Variants in DDC observed in about 807,000 individuals in gnomAD.
DDC encodes the protein aromatic-L-amino-acid decarboxylase.
DDC carries 43 observed loss-of-function variants against 60.0 expected under a neutral mutation model. That is an observed-to-expected ratio of 0.72 (90% CI 0.56 to 0.92). DDC has a LOEUF of 0.92. DDC is among the 40% of genes least tolerant of loss of function. The pLI is 0.00. For synonymous variants in DDC, 232 were observed against 234.6 expected, an observed-to-expected ratio of 0.99 and a Z score of 0.10; for missense variants, 573 against 620.2, an observed-to-expected ratio of 0.92 and a Z score of 0.81.
At chr7:50,513,953 C>G (rs2043657082) in intron 6 of DDC, among the ~76,000 whole-genome samples, 1 of 152,058 alleles carries the variant, frequency 6.6e-6, no homozygotes, top group African/African-American at 2.4e-5. Flanking sequence ...CACCACTGGG[C>G]CCTCTCCATA....
intron 12 of DDC, among the ~76,000 whole-genome samples, chr7:50,469,224 G>A (rs111848972): frequency 0.052 from 7,642 of 145,588 alleles, 485 homozygotes; most frequent in African/African-American, 0.15. Flanking sequence ...GATTACATGC[G>A]TGAGCCACCA....
chr7:50,469,331 A>T (rs1451437775), intron 12 of DDC, among the ~76,000 whole-genome samples: 1 of 151,002 alleles, frequency 6.6e-6, no homozygotes, highest in African/African-American at 2.4e-5. Flanking sequence ...TAGTGCATAG[A>T]GAAGGTGTCT....
At chr7:50,508,341 G>A (rs534494999) in intron 6 of DDC, among the ~76,000 whole-genome samples, 1 of 152,212 alleles carries the variant, frequency 6.6e-6, no homozygotes, top group Non-Finnish European at 1.5e-5. Flanking sequence ...TGTGCAGGGG[G>A]AAGGAGGGGT....
chr7:50,524,546 T>C (rs2043987761), intron 6 of DDC, among the ~76,000 whole-genome samples: 1 of 152,220 alleles, frequency 6.6e-6, no homozygotes. Flanking sequence ...CGAGGACATA[T>C]AGATAGTGAA....
At chr7:50,553,491 T>C (rs970813538) in intron 1 of DDC, among the ~76,000 whole-genome samples, 2 of 140,986 alleles carry the variant, frequency 1.4e-5, no homozygotes, top group East Asian at 2.1e-4. Context: ...TTTCTTTTTT[T>C]TTTTTTTTTT....
intron 9 of DDC, among the ~76,000 whole-genome samples, chr7:50,494,566 G>A (rs2043081878): frequency 1.3e-5 from 2 of 151,622 alleles, no homozygotes; most frequent in African/African-American, 4.8e-5. Flanking sequence ...ACTCCAACCC[G>A]GGCGACAGAG....
chr7:50,498,991 C>G (rs1305126393), intron 8 of DDC, among the ~76,000 whole-genome samples, 157 bp downstream of exon 8: 1 of 152,220 alleles, frequency 6.6e-6, no homozygotes, highest in Non-Finnish European at 1.5e-5. Flanking sequence ...GGGGAAGGCT[C>G]TCAGCCCCTA....
intron 12 of DDC, among the ~76,000 whole-genome samples, chr7:50,468,125 C>T (rs2042440191): frequency 6.6e-6 from 1 of 152,256 alleles, no homozygotes; most frequent in Non-Finnish European, 1.5e-5. Context: ...GGAGGACCTG[C>T]GGAAACGCGG....
At chr7:50,506,847 T>C (rs1283611793) in intron 6 of DDC, among the ~76,000 whole-genome samples, 1 of 152,250 alleles carries the variant, frequency 6.6e-6, no homozygotes, top group Non-Finnish European at 1.5e-5. Flanking sequence ...GCTGTCAGCA[T>C]CCTTTCTTAA....
intron 9 of DDC, among the ~76,000 whole-genome samples, chr7:50,483,262 C>G (rs953609913): frequency 6.6e-6 from 1 of 152,134 alleles, no homozygotes; most frequent in Non-Finnish European, 1.5e-5. Context: ...AATATGATAA[C>G]TTTTTTTCTC....
chr7:50,510,132 C>T (rs1270794541), intron 6 of DDC, among the ~76,000 whole-genome samples: 7 of 152,106 alleles, frequency 4.6e-5, no homozygotes, highest in Non-Finnish European at 5.9e-5. Flanking sequence ...CCACCATGCC[C>T]GGCTAATTTT....
intron 14 of DDC, among the ~76,000 whole-genome samples, chr7:50,459,274 G>A (rs1246802133): frequency 2.6e-5 from 4 of 152,326 alleles, no homozygotes; most frequent in South Asian, 4.1e-4. Flanking sequence ...TGGTGCCCAG[G>A]CTGGAGTGCA....
At chr7:50,477,416 C>T (rs145889817) in intron 10 of DDC, among the ~76,000 whole-genome samples, 68 of 152,300 alleles carry the variant, frequency 4.5e-4, no homozygotes, top group African/African-American at 1.6e-3. Context: ...AGTAGATCCA[C>T]GAATGTGGGC....
chr7:50,551,677 T>C (rs866495957), intron 1 of DDC, among the ~76,000 whole-genome samples: 1 of 152,212 alleles, frequency 6.6e-6, no homozygotes, highest in African/African-American at 2.4e-5. Context: ...AGAGTTCTAA[T>C]ATACTAATAA....
chr7:50,496,388 C>T (rs1036437554), intron 8 of DDC, among the ~76,000 whole-genome samples: 1 of 152,174 alleles, frequency 6.6e-6, no homozygotes, highest in South Asian at 2.1e-4. Flanking sequence ...TGCACCCCGA[C>T]CAGCTCCTTT....
At chr7:50,479,761 C>A (rs1178483347) in intron 10 of DDC, 26 bp downstream of exon 10, 9 of 1,607,142 alleles carry the variant, frequency 5.6e-6, no homozygotes, top group Non-Finnish European at 6.0e-6. Flanking sequence ...CAGAAACAGT[C>A]CACAGAAAGC....
chr7:50,529,461 G>T lies in DDC; in HGVS notation c.436-119C>A, dbSNP rs2044136070. On this transcript the variant is annotated intron_variant, in intron 4 of 14. Coordinates refer to ENST00000444124, the MANE Select transcript of DDC (RefSeq NM_001082971.2). ...TTTCTTAAAATATGAGTCTGAAATG[G>T]CAAAATTCACTCTCCTTTGCTTAGG... 4 of 1,219,672 alleles carry T rather than the reference G, an allele frequency of 3.3e-6. No individual in the cohort carries two copies. The South Asian group carries it at 5.1e-5, about 16-fold the overall frequency. 75.6% of individuals were successfully genotyped at this position (1,219,672 alleles called of 1,614,324 possible).
intron 11 of DDC, among the ~76,000 whole-genome samples, chr7:50,475,066 G>A (rs2042611633): frequency 6.7e-6 from 1 of 150,266 alleles, no homozygotes; most frequent in African/African-American, 2.5e-5. Context: ...ACTTACTAAG[G>A]CTGTGGAGGA....
chr7:50,545,825 C>T (rs558674985), intron 1 of DDC, among the ~76,000 whole-genome samples: 1 of 152,294 alleles, frequency 6.6e-6, no homozygotes, highest in African/African-American at 2.4e-5. Context: ...GATGGACTCA[C>T]AGCCAACAGC....
Sources: allele counts gnomAD v4.1 joint callset (sites outside exome capture counted in the v4.1 genomes callset), GRCh38; gene constraint gnomAD v4.1.1; transcripts MANE v1.5; gene names NCBI Gene and HGNC (gene_info 2026-07-23, HGNC 2026-07-21).